APOBEC3F: variants seen among roughly 807,000 people sequenced by gnomAD.
APOBEC3F encodes DNA dC->dU-editing enzyme APOBEC-3F.
In APOBEC3F, 34 loss-of-function variants were observed where a neutral mutation model predicts 45.8. That is an observed-to-expected ratio of 0.74 (90% CI 0.57 to 0.99). The LOEUF (loss-of-function observed/expected upper bound fraction) is 0.99, where lower values mean the gene tolerates loss of function less well. APOBEC3F is among the 50% of genes least tolerant of loss of function. The probability of loss-of-function intolerance (pLI) is 0.00; values close to 1 mark genes in which losing one functional copy is unlikely to be tolerated. For synonymous variants in APOBEC3F, 192 were observed against 174.4 expected, an observed-to-expected ratio of 1.10 and a Z score of -0.80; for missense variants, 459 against 474.1, an observed-to-expected ratio of 0.97 and a Z score of 0.30.
rs1927117071 is a variant in APOBEC3F at position 39,044,791 on chromosome 22, C to T, written c.172-150C>T. 5.3e-6 allele frequency: 4 copies of T among 757,764 alleles called. No homozygotes were observed. In the Admixed American group the frequency reaches 1.2e-4, roughly 22 times the overall value. The allele number at this position is 757,764 out of a possible 1,614,324, so 46.9% of individuals were successfully genotyped here. ...GAACGTGAGCTTTGGAGCAGACAATCACTCAAACTAAACAGGGGGGATGGA... is the reference window on the plus strand; with the variant it reads ...GAACGTGAGCTTTGGAGCAGACAATTACTCAAACTAAACAGGGGGGATGGA... On this transcript the variant is annotated intron_variant, in intron 2 of 6. Transcript: ENST00000308521.
intron 3 of APOBEC3F, 46 bp from the exon 4 acceptor site, chr22:39,045,382 C>T: frequency 6.2e-7 from 1 of 1,613,636 alleles, no homozygotes; most frequent in Non-Finnish European, 8.5e-7. Context: ...GAGCGCGGGC[C>T]CAGGGTCAGG....
chr22:39,046,476 C>A (rs1927226856), intron 4 of APOBEC3F, among the ~76,000 whole-genome samples: 2 of 152,090 alleles, frequency 1.3e-5, no homozygotes. Context: ...GCACCCTGGG[C>A]CCCACCCCAT....
chr22:39,049,016 A>T (rs1927353935), intron 4 of APOBEC3F, among the ~76,000 whole-genome samples: 1 of 151,998 alleles, frequency 6.6e-6, no homozygotes, highest in Admixed American at 6.6e-5. Flanking sequence ...AAACAAAAAG[A>T]GTAGCCTGGG....
intron 4 of APOBEC3F, among the ~76,000 whole-genome samples, chr22:39,046,109 C>T (rs1175704844): frequency 6.6e-6 from 1 of 152,160 alleles, no homozygotes; most frequent in Non-Finnish European, 1.5e-5. Flanking sequence ...TCTTGGCTGG[C>T]AGGGGGTCCC....
chr22:39,046,918 A>G (rs1036367213), intron 4 of APOBEC3F, among the ~76,000 whole-genome samples: 1 of 152,108 alleles, frequency 6.6e-6, no homozygotes, highest in African/African-American at 2.4e-5. Context: ...GAAAAAGGCA[A>G]CCAGAGACCA....
In APOBEC3F at chr22:39,054,389, G is replaced by A. The variant is rs756398358; in HGVS notation, c.*1694G>A. Among the ~76,000 whole-genome samples the A allele has an allele frequency of 2.0e-5, 3 of 152,072 alleles. No homozygotes were observed. The highest frequency in any genetic ancestry group is 6.6e-5 in the Admixed American group (1 of 15,262). On this transcript the variant is annotated 3_prime_UTR_variant, in exon 7 of 7. Transcript: ENST00000308521. Reference sequence around the variant, plus strand: ...TGGGATTACATGCGCGTGCCACCACGCCTAGCTAATTTTTGTGTTTTTAGT... The same window carrying A: ...TGGGATTACATGCGCGTGCCACCACACCTAGCTAATTTTTGTGTTTTTAGT...
At chr22:39,044,430 GC>G (rs1296961393) in intron 2 of APOBEC3F, 4 of 1,351,528 alleles carry the variant, frequency 3.0e-6, no homozygotes, top group Non-Finnish European at 2.9e-6. Flanking sequence ...TCGAGTTCTG[GC>G]CTCTGGGAAG....
In APOBEC3F at chr22:39,045,299, G is replaced by T. The variant is rs556702836; in HGVS notation, c.451+79G>T. Reference sequence around the variant, plus strand: ...GGATGGATCTGCAATGCCATGGCTGGGGGTGTCCCAGGGCAGCCTGCAGGG... The same window carrying T: ...GGATGGATCTGCAATGCCATGGCTGTGGGTGTCCCAGGGCAGCCTGCAGGG... On this transcript the variant is annotated intron_variant, in intron 3 of 6. Transcript: ENST00000308521. 1.6e-5 allele frequency: 25 copies of T among 1,594,816 alleles called. No individual in the cohort carries two copies. The East Asian group carries it at 5.6e-4, about 36-fold the overall frequency.
chr22:39,044,404 A>G, intron 2 of APOBEC3F: 1 of 1,375,570 alleles, frequency 7.3e-7, no homozygotes, highest in Non-Finnish European at 9.4e-7. Flanking sequence ...TTTACAATAA[A>G]CAGAAATGTA....
At chr22:39,049,698 T>TA in intron 5 of APOBEC3F, 117 bp downstream of exon 5, 38 of 1,156,198 alleles carry the variant, frequency 3.3e-5, no homozygotes, top group Non-Finnish European at 4.1e-5. Context: ...CTCTTACATT[T>TA]CTTTTTTTTT....
At chr22:39,051,536 C>CAGAAAA in intron 5 of APOBEC3F, among the ~76,000 whole-genome samples, 1 of 104,544 alleles carries the variant, frequency 9.6e-6, no homozygotes, top group Non-Finnish European at 1.9e-5. Flanking sequence ...GACTCAGTAT[C>CAGAAAA]AAAAAAAAAA....
chr22:39,052,477 C>T, intron 6 of APOBEC3F, 100 bp from the exon 7 acceptor site: 2 of 1,568,686 alleles, frequency 1.3e-6, no homozygotes, highest in African/African-American at 1.4e-5. Flanking sequence ...CCAGTGTCCA[C>T]TGCAACTGGC....
rs998159365 is a variant in APOBEC3F at position 39,053,468 on chromosome 22, A to C, written c.*773A>C. On this transcript the variant is annotated 3_prime_UTR_variant, in exon 7 of 7. Coordinates refer to ENST00000308521, the MANE Select transcript of APOBEC3F (RefSeq NM_145298.6). ...TACAAAAAAATTACAAAAAAAAAAA[A>C]AACAGGTGTGGTGGCATGCACCTGT... The C allele has an allele frequency of 1.3e-5, 2 of 152,022 alleles. No individual in the cohort carries two copies. The highest frequency in any genetic ancestry group is 6.6e-5 in the Admixed American group (1 of 15,252). 9.4% of individuals were successfully genotyped at this position (152,022 alleles called of 1,614,324 possible).
intron 4 of APOBEC3F, 107 bp from the exon 5 acceptor site, chr22:39,049,318 A>G: frequency 7.5e-7 from 1 of 1,331,186 alleles, no homozygotes; most frequent in Non-Finnish European, 1.0e-6. Flanking sequence ...CTGCCTGGGA[A>G]AGCAGCAGAC....
At position 39,045,012 on chromosome 22, in the gene APOBEC3F, T is replaced by C. The variant is rs1418700469; in HGVS notation, c.243T>C (p.Ala81=). Residue 81 remains alanine (A), a synonymous_variant, in exon 3 of 7, where the codon GCT becomes GCC. Coordinates refer to ENST00000308521, the MANE Select transcript of APOBEC3F (RefSeq NM_145298.6). ...LSWFCGNQLP[A]YKCFQITWFV... ...GGTTCTGTGGCAACCAGCTGCCTGC[T>C]TACAAGTGTTTCCAGATCACCTGGT... 8 of 1,613,950 alleles carry C rather than the reference T, an allele frequency of 5.0e-6. No homozygotes were observed. The highest frequency in any genetic ancestry group is 6.8e-6 in the Non-Finnish European group (8 of 1,180,010).
chr22:39,040,983 G>A lies in APOBEC3F; in HGVS notation c.17+6G>A. The A allele has an allele frequency of 1.9e-6, 3 of 1,584,504 alleles. No individual in the cohort carries two copies. Among genetic ancestry groups the A allele is most frequent in the Admixed American group, 1.8e-5 (1 of 55,200 alleles). On this transcript the variant is annotated splice_donor_region_variant and intron_variant, in intron 1 of 6. Coordinates refer to ENST00000308521, the MANE Select transcript of APOBEC3F (RefSeq NM_145298.6). ...AGGATGAAGCCTCACTTCAGGTACCGCTGCCCGCTCTACCCGCTGGGCCCC... is the reference window on the plus strand; with the variant it reads ...AGGATGAAGCCTCACTTCAGGTACCACTGCCCGCTCTACCCGCTGGGCCCC...
intron 1 of APOBEC3F, among the ~76,000 whole-genome samples, chr22:39,042,463 T>C (rs1926962927): frequency 6.6e-6 from 1 of 151,968 alleles, no homozygotes; most frequent in Non-Finnish European, 1.5e-5. Context: ...AGGCACCCAC[T>C]ACCACGCTTG....
Position 39,052,168 on chromosome 22 carries a change from G to A in APOBEC3F, c.818G>A (p.Trp273Ter). Reference sequence around the variant, plus strand: ...CCTAACACAAACTACGAGGTCACCTGGTACACATCTTGGAGCCCTTGCCCA... The same window carrying A: ...CCTAACACAAACTACGAGGTCACCTAGTACACATCTTGGAGCCCTTGCCCA... Reference protein sequence around the residue: ...LSPNTNYEVTWYTSWSPCPEC... With the variant: ...LSPNTNYEVT The change falls in exon 6 of 7, where the codon TGG (tryptophan) becomes TAG (stop). Residue 273 changes from tryptophan to a stop codon, truncating the protein, a stop_gained. Coordinates refer to ENST00000308521, the MANE Select transcript of APOBEC3F (RefSeq NM_145298.6). LOFTEE classifies it high-confidence loss of function. 1 of 1,614,108 alleles carries A rather than the reference G, an allele frequency of 6.2e-7. No individual in the cohort carries two copies. Among genetic ancestry groups the A allele is most frequent in the Non-Finnish European group, 8.5e-7 (1 of 1,179,986 alleles).
chr22:39,052,976 G>C lies in APOBEC3F; in HGVS notation c.*281G>C, dbSNP rs1198602135. The stretch of plus-strand genomic sequence containing the variant: ...TAACCTGCCTTTTCCCATCTCCCCA[G>C]CATAACCTAATATTTTTTTTTTTTT... On this transcript the variant is annotated 3_prime_UTR_variant, in exon 7 of 7. Coordinates refer to ENST00000308521, the MANE Select transcript of APOBEC3F (RefSeq NM_145298.6). 13 of 391,818 alleles carry C rather than the reference G, an allele frequency of 3.3e-5. No homozygotes were observed. Among genetic ancestry groups the C allele is most frequent in the Non-Finnish European group, 4.0e-5 (10 of 248,718 alleles). The allele number at this position is 391,818 out of a possible 1,614,324, so 24.3% of individuals were successfully genotyped here.
Sources: gnomAD v4.1 joint callset for allele counts (sites outside exome capture counted in the v4.1 genomes callset) on GRCh38, gnomAD v4.1.1 for gene constraint, MANE v1.5 for transcripts, NCBI Gene and HGNC (gene_info 2026-07-23, HGNC 2026-07-21) for gene names.